CARMIL1: variants seen among roughly 807,000 people sequenced by gnomAD.
CARMIL1 encodes the protein capping protein regulator and myosin 1 linker 1.
CARMIL1 carries 90 observed loss-of-function variants against 177.1 expected under a neutral mutation model. That is an observed-to-expected ratio of 0.51 (90% CI 0.43 to 0.61). CARMIL1 has a LOEUF of 0.61. Among genes scored for constraint, CARMIL1 ranks in the 20% least tolerant of loss-of-function variants. The pLI is 0.00. For synonymous variants in CARMIL1, 577 were observed against 606.2 expected, an observed-to-expected ratio of 0.95 and a Z score of 0.71; for missense variants, 1,380 against 1,667.0, an observed-to-expected ratio of 0.83 and a Z score of 3.00.
chr6:25,423,889 G>C (rs995604699), intron 3 of CARMIL1, among the ~76,000 whole-genome samples: 6 of 152,142 alleles, frequency 3.9e-5, no homozygotes, highest in African/African-American at 1.2e-4. Context: ...CTTCTTAACT[G>C]GTCTTCCTGC....
At chr6:25,586,763 G>C (rs963164343) in intron 31 of CARMIL1, among the ~76,000 whole-genome samples, 6 of 152,102 alleles carry the variant, frequency 3.9e-5, no homozygotes, top group Non-Finnish European at 8.8e-5. Context: ...GACCAGCCCG[G>C]CCAACACGGC....
intron 2 of CARMIL1, among the ~76,000 whole-genome samples, chr6:25,318,776 A>G (rs180828544): frequency 6.7e-4 from 102 of 152,290 alleles, no homozygotes; most frequent in Admixed American, 3.5e-3. Flanking sequence ...CGAGTCAGGA[A>G]CAGATGGCTG....
rs937801454 is a variant in CARMIL1 at position 25,509,214 on chromosome 6, A to C, written c.1396-442A>C. ...TCCTTCCTAAAATGTTTGACAATCA[A>C]AGTAAGTCTTCATTGTCTCCTTTGG... On this transcript the variant is annotated intron_variant, in intron 17 of 36. Coordinates refer to ENST00000329474, the MANE Select transcript of CARMIL1 (RefSeq NM_017640.6). The surrounding 1 kb of genome is among the most constrained non-coding windows in gnomAD (Gnocchi z 4.1). Among the ~76,000 whole-genome samples, 2 of 152,204 alleles carry C rather than the reference A, an allele frequency of 1.3e-5. No homozygotes were observed. The highest frequency in any genetic ancestry group is 2.9e-5 in the Non-Finnish European group (2 of 68,032).
intron 2 of CARMIL1, among the ~76,000 whole-genome samples, chr6:25,399,854 A>C (rs1414985738): frequency 6.6e-6 from 1 of 152,234 alleles, no homozygotes; most frequent in Non-Finnish European, 1.5e-5. Flanking sequence ...TCATTAGATA[A>C]CTAGTATCTT....
intron 2 of CARMIL1, among the ~76,000 whole-genome samples, chr6:25,371,019 T>C (rs1790364442): frequency 6.6e-6 from 1 of 152,186 alleles, no homozygotes; most frequent in South Asian, 2.1e-4. Flanking sequence ...ATACGGTATT[T>C]GGTTTTCCAT....
intron 2 of CARMIL1, among the ~76,000 whole-genome samples, chr6:25,288,929 G>T (rs1288423059): frequency 6.6e-6 from 1 of 152,178 alleles, no homozygotes; most frequent in Non-Finnish European, 1.5e-5. Flanking sequence ...TTTCTTTACT[G>T]CATGAGTTTT....
intron 9 of CARMIL1, among the ~76,000 whole-genome samples, chr6:25,469,658 A>C (rs1008274638): frequency 5.3e-5 from 8 of 152,106 alleles, no homozygotes; most frequent in African/African-American, 1.7e-4. Flanking sequence ...CCTGGGCTCA[A>C]GTGATCCTCC....
intron 15 of CARMIL1, among the ~76,000 whole-genome samples, chr6:25,494,223 T>C (rs553678171): frequency 6.6e-6 from 1 of 152,192 alleles, no homozygotes; most frequent in South Asian, 2.1e-4. Context: ...GCTAAACCAC[T>C]AGGATGCCCT....
chr6:25,361,577 T>C (rs1789200150), intron 2 of CARMIL1, among the ~76,000 whole-genome samples: 1 of 152,220 alleles, frequency 6.6e-6, no homozygotes, highest in Non-Finnish European at 1.5e-5. Context: ...CTTTGTATCC[T>C]GCTAAAGGAA....
At chr6:25,586,230 T>C (rs1258526386) in intron 31 of CARMIL1, among the ~76,000 whole-genome samples, 3 of 145,778 alleles carry the variant, frequency 2.1e-5, no homozygotes, top group Non-Finnish European at 4.5e-5. Context: ...GGCTCCTCAC[T>C]TCTCAGACGG....
intron 36 of CARMIL1, among the ~76,000 whole-genome samples, chr6:25,610,439 C>A (rs1408083639): frequency 6.6e-6 from 1 of 152,192 alleles, no homozygotes; most frequent in Admixed American, 6.5e-5. Flanking sequence ...AGAATAATTT[C>A]TAGATGCTTC....
chr6:25,463,640 G>A (rs976115034), intron 8 of CARMIL1, among the ~76,000 whole-genome samples: 8 of 152,136 alleles, frequency 5.3e-5, no homozygotes, highest in Non-Finnish European at 8.8e-5. Context: ...ACAAGAGAAC[G>A]CTCAGCGTGG....
intron 5 of CARMIL1, among the ~76,000 whole-genome samples, chr6:25,438,141 G>T (rs1040327382): frequency 2.6e-5 from 4 of 152,102 alleles, no homozygotes; most frequent in African/African-American, 9.7e-5. Flanking sequence ...AATTCCAAAA[G>T]ATTTAACTCA....
Position 25,610,069 on chromosome 6 carries a change from A to G in CARMIL1, c.3867A>G (p.Pro1289=), listed in dbSNP as rs746194957. The change falls in exon 36 of 37, where the codon CCA becomes CCG. Residue 1289 remains proline (P), a synonymous_variant. Coordinates refer to ENST00000329474, the MANE Select transcript of CARMIL1 (RefSeq NM_017640.6). ...ASRPDDIPDS[P]SSPKVALLPP... is the part of the protein sequence containing the mutation. Reference sequence around the variant, plus strand: ...CCTTAGATGACATTCCAGACTCTCCATCTAGCCCGAAAGTTGCCCTTCTTC... The same window carrying G: ...CCTTAGATGACATTCCAGACTCTCCGTCTAGCCCGAAAGTTGCCCTTCTTC... 8 of 1,613,946 alleles carry G rather than the reference A, an allele frequency of 5.0e-6. No individual in the cohort carries two copies. Among genetic ancestry groups the G allele is most frequent in the East Asian group, 2.2e-5 (1 of 44,874 alleles).
intron 11 of CARMIL1, among the ~76,000 whole-genome samples, chr6:25,473,495 T>C (rs573060544): frequency 1.3e-5 from 2 of 152,212 alleles, no homozygotes; most frequent in Non-Finnish European, 2.9e-5. Flanking sequence ...AAGAAAATCA[T>C]AAGAATAAGA....
intron 2 of CARMIL1, among the ~76,000 whole-genome samples, chr6:25,352,268 A>G (rs1341563036): frequency 6.6e-6 from 1 of 151,872 alleles, no homozygotes; most frequent in Admixed American, 6.5e-5. Flanking sequence ...GGGACCATCA[A>G]CCTGGTCATC....
chr6:25,554,833 G>A lies in CARMIL1; in HGVS notation c.2592+737G>A, dbSNP rs1810456752. 6.6e-6 allele frequency among the ~76,000 whole-genome samples: 1 copy of A among 152,190 alleles called. No homozygotes were observed. Among genetic ancestry groups the A allele is most frequent in the South Asian group, 2.1e-4 (1 of 4,830 alleles). ...AATTCTTCAATGTTTTCTTAACTGT[G>A]CGGGATGGAGATACCAGTTTTATGG... On this transcript the variant is annotated intron_variant, in intron 28 of 36. Transcript: ENST00000329474. This position sits in a 1 kb window ranked among gnomAD's most constrained non-coding sequence, Gnocchi z 4.6.
At chr6:25,599,192 A>T (rs967813691) in intron 32 of CARMIL1, among the ~76,000 whole-genome samples, 3 of 152,126 alleles carry the variant, frequency 2.0e-5, no homozygotes, top group Non-Finnish European at 4.4e-5. Context: ...TCCTGTCTTC[A>T]TTTCCCCTTC....
At chr6:25,401,990 G>GTTT (rs761702635) in intron 2 of CARMIL1, among the ~76,000 whole-genome samples, 1 of 139,060 alleles carries the variant, frequency 7.2e-6, no homozygotes, top group Non-Finnish European at 1.6e-5. Flanking sequence ...TTTGCGTGTA[G>GTTT]TTTTTTTTTT....
Sources: allele counts gnomAD v4.1 joint callset (sites outside exome capture counted in the v4.1 genomes callset), GRCh38; gene constraint gnomAD v4.1.1; non-coding constraint Gnocchi (gnomAD v3.1); transcripts MANE v1.5; gene names NCBI Gene and HGNC (gene_info 2026-07-23, HGNC 2026-07-21).